GATAD2B: variants seen among roughly 807,000 people sequenced by gnomAD.
GATAD2B encodes transcriptional repressor p66-beta.
In GATAD2B, 8 loss-of-function variants were observed where a neutral mutation model predicts 64.3. That is an observed-to-expected ratio of 0.12 (90% CI 0.07 to 0.22). The LOEUF is 0.22. GATAD2B is among the 10% of genes least tolerant of loss of function. GATAD2B has a pLI of 1.00. For missense variants in GATAD2B, 453 were observed against 752.0 expected (o/e 0.60, Z 4.65); for synonymous variants, 281 against 271.3 (o/e 1.04, Z -0.35).
At chr1:153,905,580 A>G (rs2101964092) in intron 1 of GATAD2B, among the ~76,000 whole-genome samples, 1 of 150,686 alleles carries the variant, frequency 6.6e-6, no homozygotes, top group Non-Finnish European at 1.5e-5. Context: ...AAAAAAGAAC[A>G]AAGTCAGACG....
At chr1:153,914,285 C>T (rs1361148474) in intron 1 of GATAD2B, among the ~76,000 whole-genome samples, 1 of 142,044 alleles carries the variant, frequency 7.0e-6, no homozygotes, top group Non-Finnish European at 1.5e-5. Context: ...TGTGTAAACA[C>T]ATAATGATTA....
chr1:153,889,704 G>A (rs1044922686), intron 1 of GATAD2B: 4 of 748,828 alleles, frequency 5.3e-6, no homozygotes, highest in Non-Finnish European at 6.5e-6. Flanking sequence ...TATGTTCTCT[G>A]TATTTTCAAC....
intron 1 of GATAD2B, among the ~76,000 whole-genome samples, chr1:153,880,826 A>AC (rs916950227): frequency 6.6e-6 from 1 of 151,908 alleles, no homozygotes; most frequent in Non-Finnish European, 1.5e-5. Flanking sequence ...CTTGGGTGAC[A>AC]GAGACCCTGT....
intron 1 of GATAD2B, among the ~76,000 whole-genome samples, chr1:153,837,578 G>A (rs1393864611): frequency 6.6e-6 from 1 of 152,070 alleles, no homozygotes; most frequent in Non-Finnish European, 1.5e-5. Context: ...TAAATTTCAT[G>A]TTACATATAT....
intron 1 of GATAD2B, among the ~76,000 whole-genome samples, chr1:153,874,309 ATAAAT>A (rs1387498993): frequency 6.6e-6 from 1 of 152,120 alleles, no homozygotes; most frequent in Admixed American, 6.6e-5. Context: ...TATTTTCTTT[ATAAAT>A]TACCCAGTCT....
intron 1 of GATAD2B, among the ~76,000 whole-genome samples, chr1:153,838,941 C>T (rs1675370960): frequency 6.6e-6 from 1 of 151,686 alleles, no homozygotes; most frequent in African/African-American, 2.4e-5. Context: ...AAAAGCTTGT[C>T]TCTACTAAAA....
intron 2 of GATAD2B, among the ~76,000 whole-genome samples, chr1:153,820,582 G>A (rs1487218902): frequency 6.6e-6 from 1 of 152,042 alleles, no homozygotes; most frequent in Non-Finnish European, 1.5e-5. Flanking sequence ...CCTTGAGATT[G>A]TCAGCGTAGT....
chr1:153,893,335 G>A (rs1027762583), intron 1 of GATAD2B, among the ~76,000 whole-genome samples: 11 of 152,120 alleles, frequency 7.2e-5, no homozygotes, highest in Admixed American at 5.2e-4. Flanking sequence ...CTGGGCACGG[G>A]CCGGCTCACA....
At chr1:153,866,457 A>C (rs1360568263) in intron 1 of GATAD2B, among the ~76,000 whole-genome samples, 1 of 152,200 alleles carries the variant, frequency 6.6e-6, no homozygotes, top group Non-Finnish European at 1.5e-5. Flanking sequence ...CTAAACTGTA[A>C]ACAAAATGCA....
rs1190166243 is a variant in GATAD2B, at chr1:153,808,494, T to A, written c.*1683A>T. The stretch of plus-strand genomic sequence containing the variant: ...CCTTCTTTAAAAAATTACTTAATTT[T>A]AAAAAATAAAAGTGGGGAAACTTCC... On this transcript the variant is annotated 3_prime_UTR_variant, in exon 11 of 11. Transcript: ENST00000368655. 1 of 152,530 alleles carries A rather than the reference T, an allele frequency of 6.6e-6. No homozygotes were observed. Among genetic ancestry groups the A allele is most frequent in the Non-Finnish European group, 1.5e-5 (1 of 68,022 alleles). 9.4% of individuals were successfully genotyped at this position (152,530 alleles called of 1,614,324 possible).
At chr1:153,852,688 C>T in intron 1 of GATAD2B, 3 of 918,424 alleles carry the variant, frequency 3.3e-6, no homozygotes, top group Non-Finnish European at 5.5e-6. Context: ...TGCTTAGCTT[C>T]TTTAACCCTG....
chr1:153,862,431 CATTAT>C (rs1006433104), intron 1 of GATAD2B, among the ~76,000 whole-genome samples: 1 of 151,912 alleles, frequency 6.6e-6, no homozygotes, highest in African/African-American at 2.4e-5. Flanking sequence ...CCTTTACATA[CATTAT>C]ATCTTATGTG....
chr1:153,842,877 A>G (rs1049461573), intron 1 of GATAD2B, among the ~76,000 whole-genome samples: 11 of 148,394 alleles, frequency 7.4e-5, no homozygotes, highest in African/African-American at 2.7e-4. Context: ...GTGGTCTTAA[A>G]CTCCTGACCT....
At chr1:153,826,204 G>A (rs548764858) in intron 2 of GATAD2B, among the ~76,000 whole-genome samples, 46 of 151,916 alleles carry the variant, frequency 3.0e-4, no homozygotes, top group South Asian at 4.2e-4. Context: ...GGGGTTTCAC[G>A]GTGTTAGCCA....
intron 1 of GATAD2B, among the ~76,000 whole-genome samples, chr1:153,837,359 C>T (rs568448741): frequency 8.8e-6 from 1 of 113,182 alleles, no homozygotes; most frequent in Non-Finnish European, 2.0e-5. Context: ...AAACAAAAAA[C>T]CCCAAAAACA....
intron 2 of GATAD2B, among the ~76,000 whole-genome samples, chr1:153,824,343 G>A (rs1162938852): frequency 6.6e-6 from 1 of 151,930 alleles, no homozygotes; most frequent in Non-Finnish European, 1.5e-5. Context: ...AAAATTGTTG[G>A]GTTTGGCTAG....
intron 1 of GATAD2B, among the ~76,000 whole-genome samples, chr1:153,897,540 G>C (rs1402367623): frequency 6.6e-6 from 1 of 152,148 alleles, no homozygotes; most frequent in Non-Finnish European, 1.5e-5. Context: ...GGGTGCAAGA[G>C]AAAGATGAGT....
At chr1:153,877,889 A>T in intron 1 of GATAD2B, among the ~76,000 whole-genome samples, 1 of 112,790 alleles carries the variant, frequency 8.9e-6, no homozygotes, top group South Asian at 3.2e-4. Context: ...AAAAAACTTA[A>T]AAAAAAAAAA....
rs370663058 is a variant in GATAD2B at position 153,818,970 on chromosome 1, T to C, written c.466-48A>G. 1.8e-5 allele frequency: 28 copies of C among 1,587,906 alleles called. No homozygotes were observed. In the African/African-American group the frequency reaches 3.6e-4, roughly 21 times the overall value. The stretch of plus-strand genomic sequence containing the variant: ...AGCTATGGCAGCAAGGTACCCAGAA[T>C]TCCTTCCTGCAAGAGACAATCTTTA... On this transcript the variant is annotated intron_variant, in intron 3 of 10. Coordinates refer to ENST00000368655, the MANE Select transcript of GATAD2B (RefSeq NM_020699.4).
Sources: gnomAD v4.1 joint callset for allele counts (sites outside exome capture counted in the v4.1 genomes callset) on GRCh38, gnomAD v4.1.1 for gene constraint, MANE v1.5 for transcripts, NCBI Gene and HGNC (gene_info 2026-07-23, HGNC 2026-07-21) for gene names.